BMAL1: variants seen among roughly 807,000 people sequenced by gnomAD.
The protein encoded by BMAL1 is basic helix-loop-helix ARNT-like protein 1.
chr11:13,303,712 G>C, the BMAL1 span, among the ~76,000 whole-genome samples: 1 of 152,196 alleles, frequency 6.6e-6, no homozygotes, highest in Non-Finnish European at 1.5e-5. Flanking sequence ...TGAGGAAGAA[G>C]AAGAGAGGGT....
the BMAL1 span, among the ~76,000 whole-genome samples, chr11:13,335,997 AAGAGAG>A: frequency 6.6e-6 from 1 of 151,800 alleles, no homozygotes; most frequent in African/African-American, 2.4e-5. Context: ...ATGAAAGAGC[AAGAGAG>A]AGAGAGTGTG....
the BMAL1 span, chr11:13,365,282 A>AACACACACACAC: frequency 6.3e-3 from 1,145 of 182,804 alleles, 3 homozygotes; most frequent in Non-Finnish European, 7.9e-3. Context: ...GATATGCAGA[A>AACACACACACAC]ACACACACAC....
At chr11:13,354,153 G>A in the BMAL1 span, 3 of 723,190 alleles carry the variant, frequency 4.1e-6, no homozygotes, top group Non-Finnish European at 6.9e-6. Flanking sequence ...GGGGGTGTGA[G>A]AGATGCATTA....
chr11:13,362,360 A>C, the BMAL1 span, among the ~76,000 whole-genome samples: 2 of 151,880 alleles, frequency 1.3e-5, no homozygotes, highest in African/African-American at 4.9e-5. Context: ...TTTTGAACTT[A>C]AGATAGGACT....
At chr11:13,298,292 G>T in the BMAL1 span, among the ~76,000 whole-genome samples, 1 of 152,260 alleles carries the variant, frequency 6.6e-6, no homozygotes, top group East Asian at 1.9e-4. Context: ...TCCTGTTTAA[G>T]CTCTCCCTAC....
chr11:13,376,286 CAT>C, the BMAL1 span, among the ~76,000 whole-genome samples: 9 of 152,198 alleles, frequency 5.9e-5, no homozygotes, highest in African/African-American at 1.9e-4. Flanking sequence ...TTTCCTTCCC[CAT>C]AGTGTCCAAA....
the BMAL1 span, among the ~76,000 whole-genome samples, chr11:13,344,334 T>C: frequency 6.6e-6 from 1 of 152,222 alleles, no homozygotes; most frequent in Admixed American, 6.5e-5. Flanking sequence ...GCTGGAGAGT[T>C]GTCATCATGG....
the BMAL1 span, among the ~76,000 whole-genome samples, chr11:13,364,145 C>T: frequency 9.8e-5 from 15 of 152,322 alleles, no homozygotes; most frequent in South Asian, 1.7e-3. Flanking sequence ...GCAAGGCAAA[C>T]GAGGAAGTTT....
chr11:13,358,467 G>T, the BMAL1 span: 1 of 1,608,684 alleles, frequency 6.2e-7, no homozygotes, highest in Non-Finnish European at 8.5e-7. Flanking sequence ...AGCGGCGTCG[G>T]GATAAAATGA....
the BMAL1 span, among the ~76,000 whole-genome samples, chr11:13,279,685 A>G: frequency 6.6e-6 from 1 of 152,230 alleles, no homozygotes; most frequent in African/African-American, 2.4e-5. Flanking sequence ...TGTTACTCAG[A>G]TCATTTTACT....
At chr11:13,354,548 G>A in the BMAL1 span, 2 of 1,475,218 alleles carry the variant, frequency 1.4e-6, no homozygotes, top group East Asian at 4.8e-5. Flanking sequence ...TGGAAAAGGG[G>A]ATGGGAATAA....
chr11:13,299,151 C>G, the BMAL1 span, among the ~76,000 whole-genome samples: 1 of 152,188 alleles, frequency 6.6e-6, no homozygotes, highest in Admixed American at 6.5e-5. Flanking sequence ...CAAGGGAGAG[C>G]TTGGCAACCA....
chr11:13,292,290 A>G, the BMAL1 span, among the ~76,000 whole-genome samples: 1 of 152,040 alleles, frequency 6.6e-6, no homozygotes, highest in South Asian at 2.1e-4. Flanking sequence ...CACGCCTGTA[A>G]TCCCAGCACT....
At chr11:13,303,426 G>A in the BMAL1 span, among the ~76,000 whole-genome samples, 1 of 152,212 alleles carries the variant, frequency 6.6e-6, no homozygotes, top group Non-Finnish European at 1.5e-5. Flanking sequence ...GAAAAATGAA[G>A]CAAGGAGGTC....
At chr11:13,361,828 C>T in the BMAL1 span, among the ~76,000 whole-genome samples, 7 of 152,168 alleles carry the variant, frequency 4.6e-5, no homozygotes, top group South Asian at 2.1e-4. Context: ...TAGCCAGGTA[C>T]CTTTGCCAGG....
At chr11:13,384,644 G>A in the BMAL1 span, among the ~76,000 whole-genome samples, 9 of 152,200 alleles carry the variant, frequency 5.9e-5, no homozygotes, top group Non-Finnish European at 1.0e-4. Flanking sequence ...ATCACAAGAC[G>A]TATCTAAATA....
the BMAL1 span, among the ~76,000 whole-genome samples, chr11:13,322,112 G>T: frequency 6.6e-6 from 1 of 152,136 alleles, no homozygotes; most frequent in Non-Finnish European, 1.5e-5. Context: ...GTGACCTCGG[G>T]CTAATCACCT....
chr11:13,370,247 C>T, the BMAL1 span, among the ~76,000 whole-genome samples: 4 of 152,294 alleles, frequency 2.6e-5, no homozygotes, highest in African/African-American at 9.6e-5. Context: ...CCTTTGCTGG[C>T]TGCCCCTCTC....
chr11:13,315,535 C>G, the BMAL1 span, among the ~76,000 whole-genome samples: 4 of 152,188 alleles, frequency 2.6e-5, no homozygotes, highest in Non-Finnish European at 5.9e-5. Flanking sequence ...ACTGAGGCCT[C>G]GACCCATTGA....
Sources: gnomAD v4.1 joint callset for allele counts (sites outside exome capture counted in the v4.1 genomes callset) on GRCh38, gnomAD v4.1.1 for gene constraint, MANE v1.5 for transcripts, NCBI Gene and HGNC (gene_info 2026-07-23, HGNC 2026-07-21) for gene names.